The following WDR19 variants were observed in gnomAD, a reference collection of about 807,000 sequenced individuals.
WDR19 encodes the protein WD repeat domain 19.
WDR19 carries 121 observed loss-of-function variants against 180.0 expected under a neutral mutation model. The observed-to-expected ratio is 0.67, with a 90% confidence interval of 0.58 to 0.78. The LOEUF (loss-of-function observed/expected upper bound fraction) is 0.78, where lower values mean the gene tolerates loss of function less well. WDR19 is among the 30% of genes least tolerant of loss of function. The pLI, the probability that WDR19 is intolerant of heterozygous loss-of-function variation, is 0.00. For synonymous variants in WDR19, 497 were observed against 540.7 expected (o/e 0.92, Z 1.12); for missense variants, 1,450 against 1,640.7 (o/e 0.88, Z 2.01).
chr4:39,228,445 G>A, intron 16 of WDR19, 41 bp from the exon 17 acceptor site: 1 of 1,609,492 alleles, frequency 6.2e-7, no homozygotes, highest in Non-Finnish European at 8.5e-7. Flanking sequence ...TTTGTGCTGA[G>A]TATTAGCTTT....
chr4:39,270,773 AGTTT>A (rs1263089141), intron 31 of WDR19, among the ~76,000 whole-genome samples: 1 of 152,108 alleles, frequency 6.6e-6, no homozygotes, highest in Admixed American at 6.6e-5. Context: ...AAAACTTGTT[AGTTT>A]ATTTATTCTG....
At chr4:39,244,110 A>G in intron 21 of WDR19, 138 bp from the exon 22 acceptor site, 1 of 1,077,882 alleles carries the variant, frequency 9.3e-7, no homozygotes, top group Non-Finnish European at 1.2e-6. Context: ...TGTTATTTTA[A>G]AATCATGAGG....
intron 1 of WDR19, among the ~76,000 whole-genome samples, chr4:39,185,362 C>T (rs768926492): frequency 6.6e-6 from 1 of 152,088 alleles, no homozygotes; most frequent in Non-Finnish European, 1.5e-5. Context: ...ACCAGGAATC[C>T]GTGCCACAGA....
chr4:39,275,606 A>G (rs1735819661), intron 33 of WDR19, among the ~76,000 whole-genome samples: 1 of 152,174 alleles, frequency 6.6e-6, no homozygotes, highest in African/African-American at 2.4e-5. Context: ...CCAGGCAGGA[A>G]GAAGTAGGGA....
At chr4:39,211,314 A>T (rs1366624896) in intron 9 of WDR19, among the ~76,000 whole-genome samples, 2 of 152,234 alleles carry the variant, frequency 1.3e-5, no homozygotes, top group Non-Finnish European at 2.9e-5. Flanking sequence ...CTCTTACTCA[A>T]CCTAGCATTA....
intron 21 of WDR19, among the ~76,000 whole-genome samples, chr4:39,243,584 C>A (rs998724213): frequency 6.6e-6 from 1 of 152,106 alleles, no homozygotes; most frequent in Admixed American, 6.6e-5. Flanking sequence ...TAAGCACTAG[C>A]CACATGTGTC....
chr4:39,265,644 T>C (rs558207080), intron 28 of WDR19, among the ~76,000 whole-genome samples: 1 of 151,698 alleles, frequency 6.6e-6, no homozygotes, highest in South Asian at 2.1e-4. Flanking sequence ...TGGTGGTGCA[T>C]GCCTATAGTC....
chr4:39,186,990 A>C (rs995078868), intron 3 of WDR19, among the ~76,000 whole-genome samples: 1 of 152,236 alleles, frequency 6.6e-6, no homozygotes, highest in Middle Eastern at 3.2e-3. Context: ...TTTCCACATA[A>C]CTTTGTAAAG....
intron 30 of WDR19, 112 bp downstream of exon 30, chr4:39,268,203 T>C: frequency 1.1e-6 from 1 of 881,290 alleles, no homozygotes; most frequent in Non-Finnish European, 1.7e-6. Context: ...AGGCTTGCTT[T>C]GAACCCAAAA....
At chr4:39,251,762 C>T (rs907735196) in intron 24 of WDR19, among the ~76,000 whole-genome samples, 1 of 152,114 alleles carries the variant, frequency 6.6e-6, no homozygotes, top group Non-Finnish European at 1.5e-5. Context: ...AAAAAATGCT[C>T]ATCATCACTG....
At chr4:39,214,529 A>AT (rs1285929752) in intron 9 of WDR19, 72 bp from the exon 10 acceptor site, 3 of 899,052 alleles carry the variant, frequency 3.3e-6, no homozygotes, top group Non-Finnish European at 5.1e-6. Context: ...ATGGTTTGTA[A>AT]TTTTTTGTGA....
chr4:39,188,785 G>C (rs368171793), intron 3 of WDR19, among the ~76,000 whole-genome samples: 99 of 151,942 alleles, frequency 6.5e-4, no homozygotes, highest in African/African-American at 2.1e-3. Context: ...GGGTCTCTCT[G>C]TGTTTCCCAA....
intron 36 of WDR19, among the ~76,000 whole-genome samples, chr4:39,279,288 G>C (rs536981592): frequency 2.0e-4 from 30 of 152,328 alleles, no homozygotes; most frequent in African/African-American, 7.2e-4. Context: ...TAGGAGTCGA[G>C]ATGTCCCTCC....
chr4:39,220,714 TGGC>T (rs1729596059), intron 14 of WDR19, among the ~76,000 whole-genome samples: 1 of 150,942 alleles, frequency 6.6e-6, no homozygotes, highest in Non-Finnish European at 1.5e-5. Context: ...TTCATCATCT[TGGC>T]CAGGCTGGTC....
intron 21 of WDR19, among the ~76,000 whole-genome samples, chr4:39,243,509 T>C (rs1271149045): frequency 6.6e-6 from 1 of 152,256 alleles, no homozygotes; most frequent in African/African-American, 2.4e-5. Flanking sequence ...TCTTAGGTTT[T>C]TGACATTTTC....
intron 4 of WDR19, 39 bp from the exon 5 acceptor site, chr4:39,194,505 A>G: frequency 7.3e-7 from 1 of 1,373,898 alleles, no homozygotes; most frequent in Non-Finnish European, 1.0e-6. Flanking sequence ...AGAGGTTATG[A>G]TCGTGAATTG....
At chr4:39,243,101 T>G (rs1032868607) in intron 21 of WDR19, among the ~76,000 whole-genome samples, 1 of 151,822 alleles carries the variant, frequency 6.6e-6, no homozygotes, top group African/African-American at 2.4e-5. Context: ...AAAGTAAAAA[T>G]TAAAAAATTA....
chr4:39,185,948 T>C, intron 2 of WDR19, 131 bp downstream of exon 2: 1 of 737,098 alleles, frequency 1.4e-6, no homozygotes, highest in Non-Finnish European at 2.1e-6. Flanking sequence ...CAGGATGGAG[T>C]GCAGTGGCAC....
chr4:39,205,960 A>G, intron 9 of WDR19: 1 of 444,924 alleles, frequency 2.2e-6, no homozygotes, highest in Non-Finnish European at 4.0e-6. Context: ...ACATGGAGTA[A>G]GCACACTCCA....
Sources: gnomAD v4.1 joint callset for allele counts (sites outside exome capture counted in the v4.1 genomes callset) on GRCh38, gnomAD v4.1.1 for gene constraint, MANE v1.5 for transcripts, NCBI Gene and HGNC (gene_info 2026-07-23, HGNC 2026-07-21) for gene names.